ARHGAP28: variants seen among roughly 807,000 people sequenced by gnomAD.
ARHGAP28 encodes Rho GTPase activating protein 28.
In ARHGAP28, 56 loss-of-function variants were observed where a neutral mutation model predicts 90.7. That is an observed-to-expected ratio of 0.62 (90% CI 0.50 to 0.77). The LOEUF is 0.77. Ranked by LOEUF, ARHGAP28 falls within the 30% of genes least tolerant of loss-of-function variation. The pLI, the probability that ARHGAP28 is intolerant of heterozygous loss-of-function variation, is 0.00. For missense variants in ARHGAP28, 869 were observed against 900.9 expected, an observed-to-expected ratio of 0.96 and a Z score of 0.45; for synonymous variants, 308 against 323.3, an observed-to-expected ratio of 0.95 and a Z score of 0.51.
intron 1 of ARHGAP28, chr18:6,789,674 T>A (rs1400594822): frequency 6.6e-6 from 1 of 152,222 alleles, no homozygotes; most frequent in Non-Finnish European, 1.5e-5. Flanking sequence ...TTTACCTATG[T>A]AGGAAAATTT....
At chr18:6,846,439 C>T (rs569420428) in intron 3 of ARHGAP28, among the ~76,000 whole-genome samples, 4 of 152,284 alleles carry the variant, frequency 2.6e-5, no homozygotes, top group South Asian at 4.1e-4. Flanking sequence ...GTGTTCTGGC[C>T]GCTCTTCTGT....
chr18:6,795,161 G>C (rs545525001), intron 1 of ARHGAP28, among the ~76,000 whole-genome samples: 1 of 152,262 alleles, frequency 6.6e-6, no homozygotes, highest in Admixed American at 6.5e-5. Flanking sequence ...GTGGATCTTA[G>C]AGCACTTTCT....
intron 5 of ARHGAP28, among the ~76,000 whole-genome samples, chr18:6,867,441 A>C (rs906713265): frequency 1.3e-5 from 2 of 152,164 alleles, no homozygotes; most frequent in African/African-American, 4.8e-5. Flanking sequence ...TAAGATTTGC[A>C]TGTAAATTGT....
chr18:6,735,904 C>G (rs1350100322), intron 1 of ARHGAP28, among the ~76,000 whole-genome samples: 1 of 152,152 alleles, frequency 6.6e-6, no homozygotes, highest in East Asian at 1.9e-4. Context: ...TTGGGTCCCT[C>G]TGAGGGCATC....
intron 1 of ARHGAP28, among the ~76,000 whole-genome samples, chr18:6,803,160 T>A (rs1311793631): frequency 2.0e-5 from 3 of 152,208 alleles, no homozygotes; most frequent in Non-Finnish European, 4.4e-5. Context: ...ATCCAGGTCT[T>A]ATCTGTGACT....
chr18:6,891,127 G>GAT (rs1341611209), intron 14 of ARHGAP28, among the ~76,000 whole-genome samples: 2 of 152,206 alleles, frequency 1.3e-5, no homozygotes, highest in Non-Finnish European at 2.9e-5. Context: ...AGGATGTGGA[G>GAT]ATACTTGAAA....
At chr18:6,743,035 T>C (rs2055992739) in intron 1 of ARHGAP28, among the ~76,000 whole-genome samples, 1 of 152,016 alleles carries the variant, frequency 6.6e-6, no homozygotes. Flanking sequence ...TTGCTGCAGG[T>C]TGAAGAGTGA....
intron 1 of ARHGAP28, chr18:6,791,041 G>A (rs982700529): frequency 1.3e-5 from 2 of 152,054 alleles, no homozygotes; most frequent in African/African-American, 4.8e-5. Flanking sequence ...GTATTAGTCA[G>A]GGTTCTCTAG....
chr18:6,770,226 A>G (rs2056231410), intron 1 of ARHGAP28, among the ~76,000 whole-genome samples: 2 of 152,230 alleles, frequency 1.3e-5, no homozygotes, highest in South Asian at 4.1e-4. Flanking sequence ...TGTTTTCTGT[A>G]GCATCAGATA....
intron 2 of ARHGAP28, among the ~76,000 whole-genome samples, chr18:6,825,580 G>A (rs1017392048): frequency 4.0e-5 from 6 of 151,846 alleles, no homozygotes; most frequent in African/African-American, 1.5e-4. Flanking sequence ...TACCCAGTAG[G>A]TAGTTTTTGA....
At chr18:6,878,021 G>A (rs1489490469) in intron 10 of ARHGAP28, among the ~76,000 whole-genome samples, 1 of 151,794 alleles carries the variant, frequency 6.6e-6, no homozygotes, top group African/African-American at 2.4e-5. Context: ...TGCATGCATG[G>A]GTGTATAACA....
At chr18:6,762,363 A>G (rs1171190770) in intron 1 of ARHGAP28, among the ~76,000 whole-genome samples, 1 of 152,162 alleles carries the variant, frequency 6.6e-6, no homozygotes, top group Non-Finnish European at 1.5e-5. Flanking sequence ...AAGGCTTTAC[A>G]TGGCCTGGTT....
At chr18:6,877,841 C>G (rs2057144085) in intron 10 of ARHGAP28, among the ~76,000 whole-genome samples, 1 of 152,124 alleles carries the variant, frequency 6.6e-6, no homozygotes, top group Non-Finnish European at 1.5e-5. Context: ...TCTGCAGAGT[C>G]AGAGAACCAA....
At chr18:6,768,736 C>T (rs1171308161) in intron 1 of ARHGAP28, among the ~76,000 whole-genome samples, 2 of 152,154 alleles carry the variant, frequency 1.3e-5, no homozygotes, top group African/African-American at 4.8e-5. Context: ...CAAATTCCAT[C>T]TGCCTTAGCC....
intron 1 of ARHGAP28, among the ~76,000 whole-genome samples, chr18:6,805,479 C>CTTTTTTTTTT (rs756550297): frequency 2.1e-5 from 2 of 97,528 alleles, no homozygotes; most frequent in African/African-American, 4.4e-5. Flanking sequence ...TAACCTTTGC[C>CTTTTTTTTTT]TTTTTTTTTT....
chr18:6,878,754 G>T (rs908750763), intron 10 of ARHGAP28, among the ~76,000 whole-genome samples: 4 of 152,094 alleles, frequency 2.6e-5, no homozygotes, highest in African/African-American at 9.7e-5. Flanking sequence ...TTCATGGTTT[G>T]AGCCCTAGGA....
intron 3 of ARHGAP28, among the ~76,000 whole-genome samples, chr18:6,849,073 G>C (rs1243972361): frequency 6.7e-6 from 1 of 149,986 alleles, no homozygotes; most frequent in Non-Finnish European, 1.5e-5. Flanking sequence ...GAAAAAGCGA[G>C]AACCTGTCTC....
intron 1 of ARHGAP28, among the ~76,000 whole-genome samples, chr18:6,764,937 G>T (rs1009725649): frequency 4.6e-5 from 7 of 152,018 alleles, no homozygotes; most frequent in Non-Finnish European, 1.0e-4. Context: ...CAATACAATT[G>T]AGGTATTTAT....
Position 6,819,787 on chromosome 18 carries a change from C to T in ARHGAP28, c.123-4975C>T, listed in dbSNP as rs559873076. On this transcript the variant is annotated intron_variant, in intron 1 of 17. Coordinates refer to ENST00000383472, the MANE Select transcript of ARHGAP28 (RefSeq NM_001366230.1). ...CTTTTAGCAGGAGGGACCTATAGTA[C>T]ACACAGGACAGATCTCCCCCTTGAA... Among the ~76,000 whole-genome samples, 4 of 152,254 alleles carry T rather than the reference C, an allele frequency of 2.6e-5. No homozygotes were observed. The South Asian group carries it at 8.3e-4, about 32-fold the overall frequency.
Sources: allele counts gnomAD v4.1 joint callset (sites outside exome capture counted in the v4.1 genomes callset), GRCh38; gene constraint gnomAD v4.1.1; transcripts MANE v1.5; gene names NCBI Gene and HGNC (gene_info 2026-07-23, HGNC 2026-07-21).